Variants in PTPRD observed in about 807,000 individuals in gnomAD.
PTPRD encodes the protein protein tyrosine phosphatase receptor type D.
PTPRD carries 34 observed loss-of-function variants against 214.5 expected under a neutral mutation model. The observed-to-expected ratio is 0.16, with a 90% CI of 0.12 to 0.21. The LOEUF (loss-of-function observed/expected upper bound fraction) is 0.21, where lower values mean the gene tolerates loss of function less well. PTPRD is among the 10% of genes least tolerant of loss of function. The probability of loss-of-function intolerance (pLI) is 1.00; values close to 1 mark genes in which losing one functional copy is unlikely to be tolerated. For missense variants in PTPRD, 2,545 were observed against 2,398.7 expected (o/e 1.06, Z -1.27); for synonymous variants, 1,128 against 845.7 (o/e 1.33, Z -5.79).
At chr9:8,727,747 G>A (rs530616747) in intron 12 of PTPRD, among the ~76,000 whole-genome samples, 1 of 152,142 alleles carries the variant, frequency 6.6e-6, no homozygotes, top group Admixed American at 6.5e-5. Flanking sequence ...CCTTAAACTG[G>A]GCTCAAGCAA....
chr9:10,513,503 G>C (rs2048982211), intron 2 of PTPRD, among the ~76,000 whole-genome samples: 1 of 152,120 alleles, frequency 6.6e-6, no homozygotes, highest in African/African-American at 2.4e-5. Context: ...GCAATTGCAA[G>C]CATACAGGAA....
At chr9:9,259,042 C>G (rs895864387) in intron 9 of PTPRD, among the ~76,000 whole-genome samples, 10 of 151,768 alleles carry the variant, frequency 6.6e-5, no homozygotes, top group African/African-American at 2.2e-4. Context: ...TCTCTCTCCA[C>G]CATATGATTC....
chr9:8,442,481 G>A (rs1046243199), intron 34 of PTPRD, among the ~76,000 whole-genome samples: 1 of 152,100 alleles, frequency 6.6e-6, no homozygotes, highest in African/African-American at 2.4e-5. Flanking sequence ...TGTTTGTAAT[G>A]ACTCAGTAAC....
chr9:8,690,878 AACAG>A (rs796929599), intron 12 of PTPRD, among the ~76,000 whole-genome samples: 2 of 152,196 alleles, frequency 1.3e-5, no homozygotes, highest in East Asian at 1.9e-4. Flanking sequence ...CCTCCCTTTT[AACAG>A]ACAATTTTAA....
intron 12 of PTPRD, among the ~76,000 whole-genome samples, chr9:8,638,677 C>A (rs1270434225): frequency 7.2e-5 from 11 of 152,032 alleles, no homozygotes; most frequent in African/African-American, 2.4e-4. Context: ...TGTTGGTGAT[C>A]CTGGAACTGC....
At chr9:9,794,157 A>G (rs10125402) in intron 5 of PTPRD, among the ~76,000 whole-genome samples, 1,182 of 33,328 alleles carry the variant, frequency 0.035, 13 homozygotes, top group Middle Eastern at 0.079. Flanking sequence ...ATATATGTAC[A>G]TGTATATATA....
intron 2 of PTPRD, among the ~76,000 whole-genome samples, chr9:10,504,678 T>C (rs952191837): frequency 1.3e-5 from 2 of 152,176 alleles, no homozygotes; most frequent in African/African-American, 2.4e-5. Flanking sequence ...CAGCATTTTA[T>C]AGAGAAAGAA....
At chr9:8,330,835 AAACTCTCTC>A (rs936519416) in intron 44 of PTPRD, among the ~76,000 whole-genome samples, 2 of 150,432 alleles carry the variant, frequency 1.3e-5, no homozygotes, top group Non-Finnish European at 2.9e-5. Flanking sequence ...ATTTTTTAAT[AAACTCTCTC>A]AAGAGTTTCA....
intron 2 of PTPRD, among the ~76,000 whole-genome samples, chr9:10,398,811 C>A (rs2154494673): frequency 6.6e-6 from 1 of 152,026 alleles, no homozygotes; most frequent in East Asian, 1.9e-4. Flanking sequence ...TACAACAATT[C>A]TATGAGGAGG....
chr9:10,121,800 T>G (rs2098777774), intron 3 of PTPRD, among the ~76,000 whole-genome samples: 1 of 150,880 alleles, frequency 6.6e-6, no homozygotes. Context: ...GTTTCCAGAG[T>G]GAATTCCAAG....
chr9:8,796,160 T>C (rs1368080194), intron 11 of PTPRD, among the ~76,000 whole-genome samples: 1 of 152,224 alleles, frequency 6.6e-6, no homozygotes, highest in Non-Finnish European at 1.5e-5. Flanking sequence ...TATACATGTT[T>C]ATCTATATCT....
intron 3 of PTPRD, among the ~76,000 whole-genome samples, chr9:10,254,722 A>C (rs2093096699): frequency 6.6e-6 from 1 of 152,166 alleles, no homozygotes; most frequent in Non-Finnish European, 1.5e-5. Flanking sequence ...TATCCTTCTA[A>C]ACACATACCC....
At chr9:10,232,153 G>A (rs1289003306) in intron 3 of PTPRD, among the ~76,000 whole-genome samples, 3 of 151,754 alleles carry the variant, frequency 2.0e-5, no homozygotes, top group African/African-American at 7.3e-5. Flanking sequence ...ACCAGAAGCT[G>A]AGGAGATGAC....
chr9:9,700,023 G>C (rs914375016), intron 7 of PTPRD, among the ~76,000 whole-genome samples: 1 of 152,072 alleles, frequency 6.6e-6, no homozygotes, highest in East Asian at 1.9e-4. Flanking sequence ...GCTTGGATTT[G>C]AATAAGAAAA....
chr9:8,997,764 T>A (rs1424479373), intron 11 of PTPRD, among the ~76,000 whole-genome samples: 2 of 152,108 alleles, frequency 1.3e-5, no homozygotes, highest in African/African-American at 4.8e-5. Context: ...AATCTAGGCC[T>A]CTTGTGCCAA....
At chr9:8,377,186 G>C (rs2083498567) in intron 37 of PTPRD, among the ~76,000 whole-genome samples, 1 of 151,918 alleles carries the variant, frequency 6.6e-6, no homozygotes, top group Admixed American at 6.6e-5. Context: ...GAAATAATTG[G>C]AAAATCTATC....
intron 8 of PTPRD, among the ~76,000 whole-genome samples, chr9:9,403,069 CA>C (rs1330381526): frequency 6.7e-6 from 1 of 149,286 alleles, no homozygotes; most frequent in African/African-American, 2.5e-5. Context: ...GCGAGTGGAT[CA>C]CTTGAGGTTA....
At chr9:10,125,622 TTGTGTGTGTGTGTGTG>T (rs35164422) in intron 3 of PTPRD, among the ~76,000 whole-genome samples, 13 of 139,318 alleles carry the variant, frequency 9.3e-5, no homozygotes, top group African/African-American at 3.5e-4. Flanking sequence ...GCTCGGCTAA[TTGTGTGTGTGTGTGTG>T]TGTGTGTGTG....
chr9:8,571,600 G>C (rs1194579842), intron 14 of PTPRD, among the ~76,000 whole-genome samples: 1 of 152,146 alleles, frequency 6.6e-6, no homozygotes, highest in South Asian at 2.1e-4. Flanking sequence ...CTATTTTGTT[G>C]AATATAAAAC....
Sources: allele counts gnomAD v4.1 joint callset (sites outside exome capture counted in the v4.1 genomes callset), GRCh38; gene constraint gnomAD v4.1.1; transcripts MANE v1.5; gene names NCBI Gene and HGNC (gene_info 2026-07-23, HGNC 2026-07-21).